Variants in CABLES1 observed in about 807,000 individuals in gnomAD.
The protein encoded by CABLES1 is Cdk5 and Abl enzyme substrate 1, also known as CDK5 and ABL1 enzyme substrate 1.
In CABLES1, 36 loss-of-function variants were observed where a neutral mutation model predicts 57.8. The ratio of observed to expected loss-of-function variants is 0.62; its 90% CI spans 0.48 to 0.82. The LOEUF (loss-of-function observed/expected upper bound fraction) is 0.82, where lower values mean the gene tolerates loss of function less well. CABLES1 is among the 40% of genes least tolerant of loss of function. The pLI, the probability that CABLES1 is intolerant of heterozygous loss-of-function variation, is 0.00. For missense variants in CABLES1, 767 were observed against 836.6 expected, an observed-to-expected ratio of 0.92 and a Z score of 1.03; for synonymous variants, 374 against 363.0, an observed-to-expected ratio of 1.03 and a Z score of -0.35.
intron 1 of CABLES1, among the ~76,000 whole-genome samples, chr18:23,160,596 C>T (rs749535177): frequency 1.3e-5 from 2 of 152,126 alleles, no homozygotes; most frequent in Admixed American, 6.5e-5. Context: ...GGGAGGTGAT[C>T]GTGGTCATTC....
chr18:23,237,696 T>C (rs577478551), intron 7 of CABLES1, among the ~76,000 whole-genome samples: 1 of 152,356 alleles, frequency 6.6e-6, no homozygotes, highest in African/African-American at 2.4e-5. Flanking sequence ...AAAGTGAAAG[T>C]AGGACACTGT....
chr18:23,178,803 A>G (rs1289383087), intron 1 of CABLES1, among the ~76,000 whole-genome samples: 1 of 152,232 alleles, frequency 6.6e-6, no homozygotes, highest in Non-Finnish European at 1.5e-5. Context: ...AAACAAAAGT[A>G]AACTCAGGCA....
chr18:23,236,205 C>T (rs534589532), intron 6 of CABLES1, among the ~76,000 whole-genome samples, 154 bp downstream of exon 6: 9 of 152,264 alleles, frequency 5.9e-5, no homozygotes, highest in South Asian at 2.1e-4. Flanking sequence ...CATGCAGGCC[C>T]GCAATGAAGC....
intron 1 of CABLES1, among the ~76,000 whole-genome samples, chr18:23,151,310 G>T (rs1226533930): frequency 6.6e-6 from 1 of 151,766 alleles, no homozygotes; most frequent in East Asian, 1.9e-4. Context: ...GAGCCACTGT[G>T]CCGGGCCTCC....
intron 1 of CABLES1, among the ~76,000 whole-genome samples, chr18:23,169,080 C>T (rs999506390): frequency 6.6e-6 from 1 of 152,184 alleles, no homozygotes; most frequent in Admixed American, 6.5e-5. Context: ...ACCAAAATGG[C>T]CACTAGAGTG....
In CABLES1 at chr18:23,243,842, G is replaced by A. The variant is rs28522587; in HGVS notation, c.1446+6597G>A. On this transcript the variant is annotated intron_variant, in intron 7 of 9. Coordinates refer to ENST00000256925, the MANE Select transcript of CABLES1 (RefSeq NM_001100619.3). ...AGCCGAGATCACGCCACTGTACCCC[G>A]GCCTGGGCGATAAGACCAAGACTCC... Among the ~76,000 whole-genome samples, 1,260 of 149,550 alleles carry A rather than the reference G, an allele frequency of 8.4e-3. 20 individuals carry two copies. Among genetic ancestry groups the A allele is most frequent in the African/African-American group, 0.03 (1,195 of 40,288 alleles).
intron 1 of CABLES1, chr18:23,155,850 A>G (rs2046961668): frequency 6.2e-7 from 1 of 1,612,366 alleles, no homozygotes; most frequent in Non-Finnish European, 8.5e-7. Context: ...TGGTGTTTGA[A>G]TGACTCATAA....
chr18:23,203,460 A>G (rs866472175), intron 3 of CABLES1, among the ~76,000 whole-genome samples: 1,260 of 107,776 alleles, frequency 0.012, 9 homozygotes, highest in African/African-American at 0.041. Context: ...GGATATGTTA[A>G]AAAAAAAAAA....
chr18:23,254,829 C>G (rs1462452214), intron 9 of CABLES1, among the ~76,000 whole-genome samples: 1 of 152,198 alleles, frequency 6.6e-6, no homozygotes, highest in African/African-American at 2.4e-5. Context: ...GCCCCATCTC[C>G]TAATACCATC....
chr18:23,216,862 T>C (rs947743325), intron 4 of CABLES1, among the ~76,000 whole-genome samples: 7 of 152,136 alleles, frequency 4.6e-5, no homozygotes, highest in African/African-American at 1.4e-4. Context: ...TGGGTCTCCT[T>C]CTTGCTGCTT....
intron 4 of CABLES1, among the ~76,000 whole-genome samples, chr18:23,217,728 C>T (rs1368916646): frequency 6.6e-6 from 1 of 152,236 alleles, no homozygotes; most frequent in African/African-American, 2.4e-5. Context: ...TATACACACA[C>T]ATATTTTAAA....
chr18:23,215,744 TTTTTTTTC>T (rs1424854712), intron 4 of CABLES1, among the ~76,000 whole-genome samples: 3 of 151,932 alleles, frequency 2.0e-5, no homozygotes, highest in South Asian at 4.2e-4. Flanking sequence ...AACTACAACT[TTTTTTTTC>T]TTTTTTTCTT....
In CABLES1 at chr18:23,136,475, G is replaced by A; in HGVS notation, c.713G>A (p.Gly238Glu). ...CCCGGGAGTGGGAGCGGCAGTCGGG[G>A]ACGCCTCAACTCGTTCACTCAGGGA... is the stretch of plus-strand genomic sequence containing the variant. ...GTPGSGSGSRGRLNSFTQGIL... is the reference protein window; with the variant it reads ...GTPGSGSGSRERLNSFTQGIL... Residue 238 changes from glycine to glutamate, a missense_variant, in exon 1 of 10, where the codon GGA becomes GAA. Transcript: ENST00000256925. 6.2e-7 allele frequency: 1 copy of A among 1,604,256 alleles called. No individual in the cohort carries two copies. The highest frequency in any genetic ancestry group is 2.3e-5 in the East Asian group (1 of 43,860).
chr18:23,148,210 C>T (rs1027821142), intron 1 of CABLES1, among the ~76,000 whole-genome samples: 3 of 152,034 alleles, frequency 2.0e-5, no homozygotes, highest in Non-Finnish European at 2.9e-5. Flanking sequence ...AGGGTGGTCT[C>T]GATCTCCTGA....
chr18:23,243,941 C>G (rs941416542), intron 7 of CABLES1, among the ~76,000 whole-genome samples: 3 of 151,930 alleles, frequency 2.0e-5, no homozygotes, highest in African/African-American at 7.3e-5. Flanking sequence ...GCAGCATCTG[C>G]TCTCTATGTA....
intron 1 of CABLES1, among the ~76,000 whole-genome samples, chr18:23,177,449 A>ACACACACACACG (rs2047132353): frequency 6.6e-6 from 1 of 151,400 alleles, no homozygotes; most frequent in African/African-American, 2.4e-5. Context: ...ACACACACAC[A>ACACACACACACG]CACACGTTCA....
chr18:23,183,849 G>A (rs756162242), intron 1 of CABLES1, among the ~76,000 whole-genome samples: 1 of 152,236 alleles, frequency 6.6e-6, no homozygotes, highest in Non-Finnish European at 1.5e-5. Context: ...GGAAATTACA[G>A]AGTGAAAAGT....
At chr18:23,210,603 T>C (rs1219601087) in intron 3 of CABLES1, among the ~76,000 whole-genome samples, 2 of 152,220 alleles carry the variant, frequency 1.3e-5, no homozygotes, top group Non-Finnish European at 2.9e-5. Flanking sequence ...ACATAACGGT[T>C]GATCACATGG....
At chr18:23,213,533 A>G (rs1038025115) in intron 3 of CABLES1, among the ~76,000 whole-genome samples, 1 of 152,182 alleles carries the variant, frequency 6.6e-6, no homozygotes. Flanking sequence ...TAATGATCAT[A>G]ATGGCCTCTG....
Sources: allele counts gnomAD v4.1 joint callset (sites outside exome capture counted in the v4.1 genomes callset), GRCh38; gene constraint gnomAD v4.1.1; transcripts MANE v1.5; gene names NCBI Gene and HGNC (gene_info 2026-07-23, HGNC 2026-07-21).